The following CYFIP2 variants were observed in gnomAD, a reference collection of about 807,000 sequenced individuals.
CYFIP2 encodes the protein cytoplasmic FMR1 interacting protein 2.
A neutral mutation model predicts 158.7 loss-of-function variants in CYFIP2; 29 were observed. That is an observed-to-expected ratio of 0.18 (90% CI 0.14 to 0.25). CYFIP2 has a LOEUF of 0.25. Ranked by LOEUF, CYFIP2 falls within the 10% of genes least tolerant of loss-of-function variation. The pLI is 1.00. For missense variants in CYFIP2, 852 were observed against 1,639.5 expected (o/e 0.52, Z 8.29); for synonymous variants, 585 against 617.6 (o/e 0.95, Z 0.78).
chr5:157,328,965 A>G (rs902079629), intron 19 of CYFIP2, among the ~76,000 whole-genome samples: 7 of 152,198 alleles, frequency 4.6e-5, no homozygotes, highest in African/African-American at 1.7e-4. Flanking sequence ...ATATATAGGT[A>G]TTTCCTTTCT....
At position 157,394,397 on chromosome 5, in the gene CYFIP2, T is replaced by C. The variant is rs1316440461; in HGVS notation, c.*1397T>C. 6.6e-6 allele frequency: 1 copy of C among 152,224 alleles called. No homozygotes were observed. Among genetic ancestry groups the C allele is most frequent in the Non-Finnish European group, 1.5e-5 (1 of 68,044 alleles). 9.4% of individuals were successfully genotyped at this position (152,224 alleles called of 1,614,324 possible). A position where few individuals can be genotyped will look rare whatever the true frequency, so the allele number is the denominator to read the frequency against. On this transcript the variant is annotated 3_prime_UTR_variant, in exon 31 of 31. Transcript: ENST00000620254. The stretch of plus-strand genomic sequence containing the variant: ...CCCAGGGAAGTAAGATGGTTAGCAA[T>C]GGTTGCCTTAATCAAATGGTCCCAT...
At chr5:157,279,539 A>G (rs1340294751) in intron 1 of CYFIP2, among the ~76,000 whole-genome samples, 1 of 152,142 alleles carries the variant, frequency 6.6e-6, no homozygotes, top group African/African-American at 2.4e-5. Flanking sequence ...TCTGTCAGTC[A>G]TGTCTGCCTG....
intron 15 of CYFIP2, chr5:157,323,059 A>G (rs1760734411): frequency 7.2e-6 from 11 of 1,520,298 alleles, no homozygotes; most frequent in Non-Finnish European, 8.8e-6. Context: ...ACCCTTCTCG[A>G]GGAGGCAGCA....
chr5:157,358,154 C>G (rs927052161), intron 23 of CYFIP2, among the ~76,000 whole-genome samples: 1 of 152,126 alleles, frequency 6.6e-6, no homozygotes, highest in African/African-American at 2.4e-5. Context: ...GCGTTAGAGT[C>G]GATGATAACT....
intron 29 of CYFIP2, among the ~76,000 whole-genome samples, 167 bp from the exon 30 acceptor site, chr5:157,390,354 T>C (rs548923102): frequency 1.3e-5 from 2 of 152,306 alleles, no homozygotes; most frequent in East Asian, 3.9e-4. Flanking sequence ...CTGCAACTAA[T>C]GAACCCACCC....
intron 19 of CYFIP2, 82 bp downstream of exon 19, chr5:157,328,131 T>C: frequency 7.4e-7 from 1 of 1,352,502 alleles, no homozygotes; most frequent in Non-Finnish European, 1.0e-6. Flanking sequence ...GAAACCTCCC[T>C]TCTTCTTTAG....
At chr5:157,287,592 G>T (rs1184048566) in intron 3 of CYFIP2, among the ~76,000 whole-genome samples, 2 of 152,172 alleles carry the variant, frequency 1.3e-5, no homozygotes, top group Non-Finnish European at 2.9e-5. Flanking sequence ...TTCATCTGTG[G>T]AGGGCTCCTC....
chr5:157,387,892 T>C (rs1393625238), intron 28 of CYFIP2, among the ~76,000 whole-genome samples: 1 of 152,198 alleles, frequency 6.6e-6, no homozygotes. Context: ...TCATGACAAC[T>C]ACACTCATGG....
chr5:157,356,596 C>G (rs1266180390), intron 23 of CYFIP2, among the ~76,000 whole-genome samples: 1 of 152,140 alleles, frequency 6.6e-6, no homozygotes, highest in Non-Finnish European at 1.5e-5. Context: ...TCCAGTTAGT[C>G]TCCTCCTCCC....
At chr5:157,269,729 T>A (rs1178315487) in intron 1 of CYFIP2, 1 of 152,230 alleles carries the variant, frequency 6.6e-6, no homozygotes, top group East Asian at 1.9e-4. Flanking sequence ...TTTAAGAAGA[T>A]GGATCTGTGG....
In CYFIP2 at chr5:157,300,838, C is replaced by T. The variant is rs1370994802; in HGVS notation, c.511C>T (p.Leu171=). ...LGKFINMFAV[L]DELKNMKCSV... ...CAAGTTCATCAACATGTTTGCTGTCCTGGATGAGCTAAAGAACATGAAGTG... is the reference window on the plus strand; with the variant it reads ...CAAGTTCATCAACATGTTTGCTGTCTTGGATGAGCTAAAGAACATGAAGTG... The change falls in exon 6 of 31, where the codon CTG becomes TTG. Residue 171 remains leucine, a synonymous_variant. Transcript: ENST00000620254. 4 of 1,612,300 alleles carry T rather than the reference C, an allele frequency of 2.5e-6. No homozygotes were observed. The African/African-American group carries it at 4.0e-5, about 16-fold the overall frequency.
intron 26 of CYFIP2, among the ~76,000 whole-genome samples, chr5:157,374,712 A>G (rs1035650263): frequency 1.3e-5 from 2 of 152,222 alleles, no homozygotes; most frequent in Non-Finnish European, 2.9e-5. Context: ...CTAACTGGAT[A>G]GGGCTCACCA....
At chr5:157,316,600 T>C (rs998013774) in intron 13 of CYFIP2, among the ~76,000 whole-genome samples, 15 of 152,188 alleles carry the variant, frequency 9.9e-5, no homozygotes, top group Non-Finnish European at 1.8e-4. Context: ...AGCTATTTCT[T>C]TGAGGACCAT....
Position 157,304,450 on chromosome 5 carries a change from A to G in CYFIP2, c.795+84A>G, listed in dbSNP as rs1581016407. On this transcript the variant is annotated intron_variant, in intron 8 of 30. Coordinates refer to ENST00000620254, the MANE Select transcript of CYFIP2 (RefSeq NM_001037333.3). ...TATTAAAAATCCGTTTTAAAAAACA[A>G]TGTTTCTTTTTTCTTAAACATTGAT... 20 of 1,477,610 alleles carry G rather than the reference A, an allele frequency of 1.4e-5. No homozygotes were observed. In the East Asian group the frequency reaches 4.3e-4, roughly 32 times the overall value. 91.5% of individuals were successfully genotyped at this position (1,477,610 alleles called of 1,614,324 possible).
intron 26 of CYFIP2, among the ~76,000 whole-genome samples, chr5:157,367,149 C>T (rs1764453567): frequency 6.6e-6 from 1 of 152,134 alleles, no homozygotes; most frequent in Non-Finnish European, 1.5e-5. Context: ...CTCACAGATC[C>T]GAATGCCAGT....
chr5:157,312,075 T>C (rs1229430668), intron 11 of CYFIP2, among the ~76,000 whole-genome samples: 1 of 152,326 alleles, frequency 6.6e-6, no homozygotes, highest in Non-Finnish European at 1.5e-5. Context: ...TTAAAAGATA[T>C]GGCAGATAAT....
At chr5:157,349,011 G>A (rs1762887665) in intron 23 of CYFIP2, among the ~76,000 whole-genome samples, 1 of 150,110 alleles carries the variant, frequency 6.7e-6, no homozygotes, top group Admixed American at 6.6e-5. Flanking sequence ...GAACTCCTGG[G>A]CTCAAGCAAT....
In CYFIP2 at chr5:157,320,772, C is replaced by A. The variant is rs1207345111; in HGVS notation, c.1641C>A (p.Pro547=). ...AAGGTGGATTTGATATCAAGGTGCC[C>A]CGGCGTGCTGTGGGGCCATCCAGCA... ...DPKGGFDIKV[P]RRAVGPSSTQ... Residue 547 remains proline, a synonymous_variant, in exon 15 of 31, where the codon CCC becomes CCA. Coordinates refer to ENST00000620254, the MANE Select transcript of CYFIP2 (RefSeq NM_001037333.3). 5.0e-6 allele frequency: 8 copies of A among 1,606,970 alleles called. No individual in the cohort carries two copies. The South Asian group carries it at 6.7e-5, about 13-fold the overall frequency.
chr5:157,355,483 C>T (rs188942551), intron 23 of CYFIP2, among the ~76,000 whole-genome samples: 115 of 152,290 alleles, frequency 7.6e-4, no homozygotes, highest in African/African-American at 2.7e-3. Context: ...TTGGTATTAT[C>T]ATCTCTACTT....
Sources: allele counts gnomAD v4.1 joint callset (sites outside exome capture counted in the v4.1 genomes callset), GRCh38; gene constraint gnomAD v4.1.1; transcripts MANE v1.5; gene names NCBI Gene and HGNC (gene_info 2026-07-23, HGNC 2026-07-21).